Variants in UAP1 observed in about 807,000 individuals in gnomAD.
The protein encoded by UAP1 is UDP-N-acetylglucosamine pyrophosphorylase 1, also known as UDP-N-acetylhexosamine pyrophosphorylase.
Under a neutral mutation model 58.5 loss-of-function variants are expected in UAP1, and 25 were observed. That is an observed-to-expected ratio of 0.43 (90% CI 0.31 to 0.60). The LOEUF is 0.60. Among genes scored for constraint, UAP1 ranks in the 20% least tolerant of loss-of-function variants. UAP1 has a pLI of 0.11. For missense variants in UAP1, 575 were observed against 630.0 expected (o/e 0.91, Z 0.93); for synonymous variants, 208 against 213.0 (o/e 0.98, Z 0.21).
chr1:162,598,999 G>A (rs1021850707), intron 10 of UAP1, among the ~76,000 whole-genome samples: 3 of 151,850 alleles, frequency 2.0e-5, no homozygotes, highest in Admixed American at 6.6e-5. Flanking sequence ...AAAAAAAAAA[G>A]TTAACTCTGT....
chr1:162,598,260 G>A (rs1005925301), intron 10 of UAP1, among the ~76,000 whole-genome samples: 2 of 144,950 alleles, frequency 1.4e-5, no homozygotes, highest in Admixed American at 1.4e-4. Flanking sequence ...TAGAATTCTG[G>A]CATTGTTTTA....
chr1:162,584,190 T>C (rs1401376070), intron 5 of UAP1, among the ~76,000 whole-genome samples: 1 of 152,206 alleles, frequency 6.6e-6, no homozygotes, highest in African/African-American at 2.4e-5. Context: ...CTCTGTAGGA[T>C]AAATCCAGAC....
intron 7 of UAP1, among the ~76,000 whole-genome samples, chr1:162,589,313 TA>T (rs936787763): frequency 5.1e-5 from 7 of 136,528 alleles, no homozygotes; most frequent in African/African-American, 8.2e-5. Flanking sequence ...TATATATAAA[TA>T]AATATATATT....
At chr1:162,588,742 T>C in exon 7 of UAP1, 1 of 1,612,554 alleles carries the variant, frequency 6.2e-7, no homozygotes. Context: ...GAAGATTCCT[T>C]ATGTGGATAC....
chr1:162,568,120 C>A (rs991390458), intron 2 of UAP1, among the ~76,000 whole-genome samples: 1 of 152,148 alleles, frequency 6.6e-6, no homozygotes, highest in Non-Finnish European at 1.5e-5. Context: ...TATTTGATTT[C>A]ATAGATGTGT....
chr1:162,561,822 C>A (rs1653154638), intron 1 of UAP1, 45 bp downstream of exon 1: 1 of 152,496 alleles, frequency 6.6e-6, no homozygotes, highest in Admixed American at 6.5e-5. Context: ...GGCTCGGGAC[C>A]CGGGCGGGCG....
At chr1:162,573,906 G>C (rs902737811) in intron 2 of UAP1, among the ~76,000 whole-genome samples, 1 of 151,764 alleles carries the variant, frequency 6.6e-6, no homozygotes, top group African/African-American at 2.4e-5. Flanking sequence ...AGAGGTTGCA[G>C]TAAGCCAAGG....
chr1:162,587,866 C>T, intron 6 of UAP1, 198 bp downstream of exon 6: 1 of 516,732 alleles, frequency 1.9e-6, no homozygotes, highest in Admixed American at 3.4e-5. Flanking sequence ...CATCGGAGCC[C>T]ATTCCCCAGC....
chr1:162,571,532 A>C (rs1653866988), intron 2 of UAP1, among the ~76,000 whole-genome samples: 1 of 152,204 alleles, frequency 6.6e-6, no homozygotes, highest in South Asian at 2.1e-4. Flanking sequence ...AGGGTGATAC[A>C]GTGTTGAACT....
intron 5 of UAP1, among the ~76,000 whole-genome samples, chr1:162,583,973 G>A (rs1654761734): frequency 6.6e-6 from 1 of 152,124 alleles, no homozygotes; most frequent in Admixed American, 6.6e-5. Flanking sequence ...TCAGGCTCAA[G>A]GTTCTTTATC....
intron 7 of UAP1, among the ~76,000 whole-genome samples, chr1:162,589,140 AT>A (rs1383550163): frequency 0.011 from 1,179 of 104,516 alleles, 19 homozygotes; most frequent in African/African-American, 0.044. Context: ...TAATTTATAT[AT>A]TTATATAATA....
chr1:162,587,553 A>G (rs1201729211), exon 6 of UAP1: 1 of 1,614,142 alleles, frequency 6.2e-7, no homozygotes. Context: ...GGTAGAATAT[A>G]GTGAGATTTC....
chr1:162,588,937 A>G, intron 7 of UAP1, 104 bp downstream of exon 7: 2 of 1,118,714 alleles, frequency 1.8e-6, no homozygotes, highest in African/African-American at 1.6e-5. Context: ...GATAGCACAT[A>G]TCTCACATGG....
intron 9 of UAP1, 92 bp downstream of exon 9, chr1:162,592,874 G>A (rs945807321): frequency 1.7e-6 from 2 of 1,162,368 alleles, no homozygotes; most frequent in African/African-American, 1.5e-5. Context: ...CTGCCTTTTG[G>A]GGGTCTGGAG....
intron 7 of UAP1, 101 bp downstream of exon 7, chr1:162,588,934 C>A: frequency 1.8e-6 from 2 of 1,121,402 alleles, no homozygotes; most frequent in Non-Finnish European, 1.2e-6. Flanking sequence ...TTTGATAGCA[C>A]ATATCTCACA....
intron 2 of UAP1, among the ~76,000 whole-genome samples, chr1:162,573,827 G>A (rs528247782): frequency 9.2e-5 from 14 of 151,996 alleles, no homozygotes; most frequent in Admixed American, 7.9e-4. Context: ...AGCTAAGTGC[G>A]CTGGTGTGCA....
chr1:162,590,511 G>A (rs1291362455), exon 8 of UAP1: 5 of 1,594,904 alleles, frequency 3.1e-6, no homozygotes, highest in South Asian at 1.1e-5. Context: ...GCAATTCCCC[G>A]GTAAGTCAGT....
At position 162,579,617 on chromosome 1, in the gene UAP1, C is replaced by T. The variant is rs1438075481; in HGVS notation, c.661+14C>T. On this transcript the variant is annotated intron_variant, in intron 4 of 10. Coordinates refer to ENST00000271469, the Ensembl canonical transcript of UAP1. ...CTATGGCTCCAGGTTTGTAATCATC[C>T]TTATTTAATGGTGACTAGAAAGGAT... 1 of 1,520,754 alleles carries T rather than the reference C, an allele frequency of 6.6e-7. No individual in the cohort carries two copies. The highest frequency in any genetic ancestry group is 8.8e-7 in the Non-Finnish European group (1 of 1,131,932). The allele number at this position is 1,520,754 out of a possible 1,614,324, so 94.2% of individuals were successfully genotyped here. A position where few individuals can be genotyped will look rare whatever the true frequency, so the allele number is the denominator to read the frequency against.
At chr1:162,579,665 T>A (rs539043737) in intron 4 of UAP1, 62 bp downstream of exon 4, 1 of 1,338,304 alleles carries the variant, frequency 7.5e-7, no homozygotes, top group Admixed American at 2.5e-5. Flanking sequence ...CATCAAATGT[T>A]GATTTTCTTT....
Sources: allele counts gnomAD v4.1 joint callset (sites outside exome capture counted in the v4.1 genomes callset), GRCh38; gene constraint gnomAD v4.1.1; transcripts MANE v1.5; gene names NCBI Gene and HGNC (gene_info 2026-07-23, HGNC 2026-07-21).